The following SEC14L5 variants were observed in gnomAD, a reference collection of about 807,000 sequenced individuals.
SEC14L5 encodes the protein SEC14-like protein 5.
SEC14L5 carries 96 observed loss-of-function variants against 84.6 expected under a neutral mutation model. The ratio of observed to expected loss-of-function variants is 1.13; its 90% CI spans 0.96 to 1.34. The LOEUF (loss-of-function observed/expected upper bound fraction) is 1.34, where lower values mean the gene tolerates loss of function less well. SEC14L5 is among the 40% of genes most tolerant of loss of function. The pLI, the probability that SEC14L5 is intolerant of heterozygous loss-of-function variation, is 0.00. For synonymous variants in SEC14L5, 546 were observed against 383.4 expected, an observed-to-expected ratio of 1.42 and a Z score of -4.95; for missense variants, 1,224 against 942.5, an observed-to-expected ratio of 1.30 and a Z score of -3.91.
chr16:4,961,306 G>C (rs1955118387), intron 2 of SEC14L5, among the ~76,000 whole-genome samples: 2 of 148,078 alleles, frequency 1.4e-5, no homozygotes, highest in African/African-American at 5.0e-5. Context: ...CAACAACAAA[G>C]TTGCTGAACT....
At chr16:5,008,324 C>T (rs1375675112) in intron 13 of SEC14L5, 97 bp from the exon 14 acceptor site, 1 of 848,206 alleles carries the variant, frequency 1.2e-6, no homozygotes, top group Admixed American at 2.2e-5. Context: ...GGAAAGGAGA[C>T]CCCAGGGGGC....
intron 2 of SEC14L5, among the ~76,000 whole-genome samples, chr16:4,983,458 AATTAT>A (rs766676311): frequency 3.1e-4 from 47 of 149,984 alleles, no homozygotes; most frequent in Non-Finnish European, 6.4e-4. Flanking sequence ...ATGTTTATAA[AATTAT>A]ATTATACAGA....
At chr16:4,993,162 C>T (rs1955570290) in intron 6 of SEC14L5, among the ~76,000 whole-genome samples, 1 of 152,154 alleles carries the variant, frequency 6.6e-6, no homozygotes, top group South Asian at 2.1e-4. Context: ...CCTGCCCCAG[C>T]TTCCTGAGTA....
intron 15 of SEC14L5, among the ~76,000 whole-genome samples, chr16:5,011,581 C>T (rs188799257): frequency 1.3e-5 from 2 of 152,282 alleles, no homozygotes; most frequent in East Asian, 3.9e-4. Context: ...ATGTGGGCTT[C>T]CCCTCACTCC....
chr16:5,014,997 G>A lies in SEC14L5; in HGVS notation c.*27G>A, dbSNP rs545060465. On this transcript the variant is annotated 3_prime_UTR_variant, in exon 16 of 16. Coordinates refer to ENST00000251170, the MANE Select transcript of SEC14L5 (RefSeq NM_014692.2). ...CGGGCCCAGTGTTTCAGGGCCGCCCGCTCGCCTCCAGTGTCCAGAAATGTC... is the reference window on the plus strand; with the variant it reads ...CGGGCCCAGTGTTTCAGGGCCGCCCACTCGCCTCCAGTGTCCAGAAATGTC... 1.4e-5 allele frequency: 21 copies of A among 1,539,476 alleles called. No individual in the cohort carries two copies. The highest frequency in any genetic ancestry group is 1.4e-4 in the African/African-American group (10 of 73,874).
Position 4,959,312 on chromosome 16 carries a change from T to G in SEC14L5, c.-12T>G, listed in dbSNP as rs761489133. 1 of 1,611,678 alleles carries G rather than the reference T, an allele frequency of 6.2e-7. No homozygotes were observed. The highest frequency in any genetic ancestry group is 1.1e-5 in the South Asian group (1 of 91,034). ...CCTGCCTGGTGACCTCCATTGGTGC[T>G]CCAGCGTGAACATGGTGCAAAGATA... On this transcript the variant is annotated 5_prime_UTR_variant, in exon 2 of 16. Transcript: ENST00000251170.
chr16:4,970,364 G>A (rs1220599601), intron 2 of SEC14L5, among the ~76,000 whole-genome samples: 1 of 152,126 alleles, frequency 6.6e-6, no homozygotes, highest in Non-Finnish European at 1.5e-5. Flanking sequence ...AAAGGCCAAT[G>A]GGGCAGAACT....
rs578234405 is a variant in SEC14L5, at chr16:5,004,540, G to A, written c.1302+967G>A. Among the ~76,000 whole-genome samples, 25 of 152,194 alleles carry A rather than the reference G, an allele frequency of 1.6e-4. No homozygotes were observed. In the South Asian group the frequency reaches 5.0e-3, roughly 30 times the overall value. On this transcript the variant is annotated intron_variant, in intron 11 of 15. Coordinates refer to ENST00000251170, the MANE Select transcript of SEC14L5 (RefSeq NM_014692.2). ...GCAGTAAGCCTGGCCACCCCCAAGA[G>A]GAGGGAATGTCCTTGCAGAATCCTG...
chr16:4,962,240 A>G (rs1955132159), intron 2 of SEC14L5, among the ~76,000 whole-genome samples: 1 of 152,116 alleles, frequency 6.6e-6, no homozygotes, highest in Admixed American at 6.6e-5. Context: ...GAATAGCACT[A>G]GTAATGTACT....
In SEC14L5 at chr16:5,008,334, C is replaced by A. The variant is rs549340491; in HGVS notation, c.1573-87C>A. On this transcript the variant is annotated intron_variant, in intron 13 of 15. Coordinates refer to ENST00000251170, the MANE Select transcript of SEC14L5 (RefSeq NM_014692.2). The stretch of plus-strand genomic sequence containing the variant: ...GCCTGGGAAAGGAGACCCCAGGGGG[C>A]ACCCACAGCCCCTCCTGCCACTGTG... 263 of 931,884 alleles carry A rather than the reference C, an allele frequency of 2.8e-4. 5 individuals are homozygous for A. In the South Asian group the frequency reaches 3.6e-3, roughly 13 times the overall value. The allele number at this position is 931,884 out of a possible 1,614,324, so 57.7% of individuals were successfully genotyped here.
At chr16:5,004,763 C>G (rs1461388248) in intron 11 of SEC14L5, among the ~76,000 whole-genome samples, 1 of 152,174 alleles carries the variant, frequency 6.6e-6, no homozygotes, top group Non-Finnish European at 1.5e-5. Context: ...GCCAAGGGCT[C>G]CTTCCTTCTT....
At chr16:5,002,014 C>A (rs1414755736) in intron 10 of SEC14L5, among the ~76,000 whole-genome samples, 1 of 152,222 alleles carries the variant, frequency 6.6e-6, no homozygotes, top group Non-Finnish European at 1.5e-5. Context: ...AAGTGATCCT[C>A]CCACCTTGGC....
chr16:4,964,529 A>T (rs1196108886), intron 2 of SEC14L5, among the ~76,000 whole-genome samples: 1 of 151,842 alleles, frequency 6.6e-6, no homozygotes, highest in Admixed American at 6.6e-5. Flanking sequence ...GGTTGCAGGG[A>T]GCCGAGTTCG....
intron 2 of SEC14L5, among the ~76,000 whole-genome samples, chr16:4,986,954 A>G (rs1035974771): frequency 7.9e-5 from 12 of 152,178 alleles, no homozygotes; most frequent in African/African-American, 2.9e-4. Flanking sequence ...AGGATTTTCT[A>G]TATAAATGTT....
chr16:4,987,589 G>A lies in SEC14L5; in HGVS notation c.96G>A (p.Gln32=). The change falls in exon 3 of 16, where the codon CAG becomes CAA. Residue 32 remains glutamine (Q), a synonymous_variant. Coordinates refer to ENST00000251170, the MANE Select transcript of SEC14L5 (RefSeq NM_014692.2). ...AGAAGCGTTTCCCCACGTGCCCACA[G>A]ATCCCAGTCTTCCTGGGCAGCGAGG... ...AYEKRFPTCP[Q]IPVFLGSEVL... is the part of the protein sequence containing the mutation. 1.3e-6 allele frequency: 2 copies of A among 1,562,100 alleles called. No individual in the cohort carries two copies. The highest frequency in any genetic ancestry group is 1.7e-6 in the Non-Finnish European group (2 of 1,154,316).
intron 2 of SEC14L5, 55 bp from the exon 3 acceptor site, chr16:4,987,502 G>C: frequency 7.0e-7 from 1 of 1,437,646 alleles, no homozygotes; most frequent in East Asian, 2.7e-5. Context: ...CGCGCTGGGG[G>C]GGGGGGTCCC....
At chr16:4,982,212 C>T (rs1211258295) in intron 2 of SEC14L5, among the ~76,000 whole-genome samples, 1 of 152,066 alleles carries the variant, frequency 6.6e-6, no homozygotes, top group Non-Finnish European at 1.5e-5. Flanking sequence ...TCCTCGGCCC[C>T]CCCCTCCCCC....
intron 2 of SEC14L5, among the ~76,000 whole-genome samples, chr16:4,967,242 C>T (rs190829633): frequency 3.3e-4 from 51 of 152,304 alleles, no homozygotes; most frequent in Middle Eastern, 3.4e-3. Flanking sequence ...CTCCCAGCCT[C>T]GGACAGTTCC....
Position 5,018,518 on chromosome 16 carries a change from T to A in SEC14L5, c.*3548T>A, listed in dbSNP as rs538824574. On this transcript the variant is annotated 3_prime_UTR_variant, in exon 16 of 16. Transcript: ENST00000251170. ...CCTGTCTCTACAAAAAATTAAAAAA[T>A]GAGCCAGGCGTGGTGGTGCGTGCCT... is the stretch of plus-strand genomic sequence containing the variant. The A allele has an allele frequency of 5.1e-3, 776 of 152,214 alleles. 3 individuals carry two copies. Among genetic ancestry groups the A allele is most frequent in the Non-Finnish European group, 8.9e-3 (606 of 68,040 alleles). 9.4% of individuals were successfully genotyped at this position (152,214 alleles called of 1,614,324 possible). A position where few individuals can be genotyped will look rare whatever the true frequency, so the allele number is the denominator to read the frequency against.
Sources: allele counts gnomAD v4.1 joint callset (sites outside exome capture counted in the v4.1 genomes callset), GRCh38; gene constraint gnomAD v4.1.1; transcripts MANE v1.5; gene names NCBI Gene and HGNC (gene_info 2026-07-23, HGNC 2026-07-21).